The following PPARGC1A variants were observed in gnomAD, a reference collection of about 807,000 sequenced individuals.
The protein encoded by PPARGC1A is peroxisome proliferator-activated receptor gamma coactivator 1-alpha.
In PPARGC1A, 25 loss-of-function variants were observed where a neutral mutation model predicts 88.7. The observed-to-expected ratio is 0.28, with a 90% CI of 0.21 to 0.39. The LOEUF (loss-of-function observed/expected upper bound fraction) is 0.39, where lower values mean the gene tolerates loss of function less well. Among genes scored for constraint, PPARGC1A ranks in the 10% least tolerant of loss-of-function variants. The probability of loss-of-function intolerance (pLI) is 1.00; values close to 1 mark genes in which losing one functional copy is unlikely to be tolerated. For missense variants in PPARGC1A, 880 were observed against 968.7 expected, an observed-to-expected ratio of 0.91 and a Z score of 1.22; for synonymous variants, 363 against 355.6, an observed-to-expected ratio of 1.02 and a Z score of -0.24.
At chr4:24,361,330 C>T in the PPARGC1A span, among the ~76,000 whole-genome samples, 1 of 152,228 alleles carries the variant, frequency 6.6e-6, no homozygotes, top group Middle Eastern at 3.2e-3. Context: ...TGAGAACCTA[C>T]AACTCCCCAA....
intron 2 of PPARGC1A, among the ~76,000 whole-genome samples, chr4:23,839,363 C>T (rs1429259112): frequency 1.3e-5 from 2 of 152,076 alleles, no homozygotes; most frequent in East Asian, 3.9e-4. Flanking sequence ...GGGGTCATGC[C>T]TATTTCTCAC....
chr4:24,097,056 G>A, the PPARGC1A span, among the ~76,000 whole-genome samples: 4 of 152,196 alleles, frequency 2.6e-5, no homozygotes, highest in South Asian at 4.1e-4. Flanking sequence ...ATGGTGCCAC[G>A]GCGCTCCAGC....
At chr4:23,851,235 C>G (rs1482101093) in intron 2 of PPARGC1A, among the ~76,000 whole-genome samples, 1 of 152,162 alleles carries the variant, frequency 6.6e-6, no homozygotes, top group Non-Finnish European at 1.5e-5. Context: ...CTGCAGATTG[C>G]TCCTGCACTT....
the PPARGC1A span, among the ~76,000 whole-genome samples, chr4:24,056,450 C>T: frequency 1.3e-5 from 2 of 152,154 alleles, no homozygotes; most frequent in Non-Finnish European, 2.9e-5. Flanking sequence ...CTTCTTTGTG[C>T]TCATATTCAA....
the PPARGC1A span, among the ~76,000 whole-genome samples, chr4:24,170,339 T>C: frequency 7.8e-3 from 1,182 of 152,298 alleles, 8 homozygotes; most frequent in South Asian, 0.012. Flanking sequence ...GAGCAATCCA[T>C]GTGGCAGCTA....
the PPARGC1A span, among the ~76,000 whole-genome samples, chr4:24,278,131 C>T: frequency 6.6e-6 from 1 of 151,872 alleles, no homozygotes; most frequent in Non-Finnish European, 1.5e-5. Flanking sequence ...TGCACCACTG[C>T]ACTCCAGCCT....
the PPARGC1A span, among the ~76,000 whole-genome samples, chr4:23,933,246 G>A: frequency 6.6e-6 from 1 of 152,176 alleles, no homozygotes; most frequent in African/African-American, 2.4e-5. Context: ...AGAGCTGTGT[G>A]GAATGGGCCT....
chr4:24,088,860 G>A, the PPARGC1A span, among the ~76,000 whole-genome samples: 2 of 152,134 alleles, frequency 1.3e-5, no homozygotes, highest in Non-Finnish European at 2.9e-5. Flanking sequence ...GTGGGAATAG[G>A]ATAGGCATTG....
the PPARGC1A span, among the ~76,000 whole-genome samples, chr4:24,269,182 C>T: frequency 2.6e-5 from 4 of 152,060 alleles, no homozygotes; most frequent in East Asian, 5.8e-4. Context: ...TGTTTTTATG[C>T]TTGTTTTTAG....
chr4:24,318,330 T>C, the PPARGC1A span, among the ~76,000 whole-genome samples: 1 of 152,224 alleles, frequency 6.6e-6, no homozygotes, highest in Non-Finnish European at 1.5e-5. Flanking sequence ...AAGCTGTTTC[T>C]AAGGTCTCTG....
chr4:24,116,183 C>G, the PPARGC1A span, among the ~76,000 whole-genome samples: 2 of 152,228 alleles, frequency 1.3e-5, no homozygotes, highest in Non-Finnish European at 2.9e-5. Flanking sequence ...TTTATTTTAT[C>G]TTGGATAACC....
At chr4:23,857,813 A>C (rs1182550269) in intron 2 of PPARGC1A, among the ~76,000 whole-genome samples, 2 of 150,976 alleles carry the variant, frequency 1.3e-5, no homozygotes, top group Non-Finnish European at 2.9e-5. Context: ...TCGTGATGAG[A>C]CTCCTCTTGC....
the PPARGC1A span, among the ~76,000 whole-genome samples, chr4:24,382,503 C>A: frequency 3.9e-5 from 6 of 151,986 alleles, no homozygotes; most frequent in African/African-American, 1.2e-4. Flanking sequence ...GAAACTGCTA[C>A]GTAAGAAAAA....
the PPARGC1A span, among the ~76,000 whole-genome samples, chr4:23,937,900 C>T: frequency 1.2e-4 from 19 of 152,290 alleles, no homozygotes; most frequent in Non-Finnish European, 2.8e-4. Flanking sequence ...AGGATCAATC[C>T]CCTTTCACAA....
chr4:24,207,221 G>A, the PPARGC1A span, among the ~76,000 whole-genome samples: 1 of 152,254 alleles, frequency 6.6e-6, no homozygotes, highest in East Asian at 1.9e-4. Flanking sequence ...GGAGTTGAAA[G>A]GCAATATGAT....
the PPARGC1A span, among the ~76,000 whole-genome samples, chr4:24,115,049 T>C: frequency 6.6e-6 from 1 of 152,178 alleles, no homozygotes; most frequent in East Asian, 1.9e-4. Context: ...TTCCCGGTAA[T>C]GCATTTTTGA....
At chr4:24,112,394 AT>A in the PPARGC1A span, among the ~76,000 whole-genome samples, 1 of 152,120 alleles carries the variant, frequency 6.6e-6, no homozygotes, top group South Asian at 2.1e-4. Context: ...ATATCTCTTT[AT>A]TTTTAAAACA....
At chr4:24,257,155 CAG>C in the PPARGC1A span, among the ~76,000 whole-genome samples, 3 of 151,812 alleles carry the variant, frequency 2.0e-5, no homozygotes, top group Non-Finnish European at 4.4e-5. Context: ...CTCTAACTGT[CAG>C]AGTTGCCTTT....
At chr4:24,080,447 C>A in the PPARGC1A span, among the ~76,000 whole-genome samples, 2 of 151,888 alleles carry the variant, frequency 1.3e-5, no homozygotes, top group African/African-American at 4.8e-5. Context: ...TTCAGTGTTT[C>A]TAAGAATCTT....
Sources: gnomAD v4.1 joint callset for allele counts (sites outside exome capture counted in the v4.1 genomes callset) on GRCh38, gnomAD v4.1.1 for gene constraint, MANE v1.5 for transcripts, NCBI Gene and HGNC (gene_info 2026-07-23, HGNC 2026-07-21) for gene names.